SDR42E1: variants seen among roughly 807,000 people sequenced by gnomAD.
The protein encoded by SDR42E1 is short-chain dehydrogenase/reductase family 42E member 1.
Under a neutral mutation model 2.6 loss-of-function variants are expected in SDR42E1, and 5 were observed. That is an observed-to-expected ratio of 1.94 (90% CI 1.01 to 4.08). SDR42E1 has a LOEUF of 4.08. Ranked by LOEUF, SDR42E1 falls within the 30% of genes most tolerant of loss-of-function variation. The pLI is 0.00. For synonymous variants in SDR42E1, 231 were observed against 188.3 expected, an observed-to-expected ratio of 1.23 and a Z score of -1.86; for missense variants, 596 against 478.6, an observed-to-expected ratio of 1.25 and a Z score of -2.29.
intron 2 of SDR42E1, 181 bp from the exon 3 acceptor site, chr16:82,000,405 A>G (rs1304183339): frequency 2.6e-6 from 2 of 759,716 alleles, no homozygotes; most frequent in Non-Finnish European, 4.6e-6. Context: ...AAAAGTGAGA[A>G]TCCTCTCATC....
In SDR42E1 at chr16:81,999,884, C is replaced by G. The variant is rs769507054; in HGVS notation, c.409G>C (p.Asp137His). 1.8e-5 allele frequency: 29 copies of G among 1,614,038 alleles called. No individual in the cohort carries two copies. The South Asian group carries it at 3.0e-4, about 16-fold the overall frequency. The stretch of plus-strand genomic sequence containing the variant: ...AGAGGCAGGTAGGGCAGAGATTCAT[C>G]CCCATTTCTGATAACTTGACCTCCA... ...IFGGQVIRNG[D>H]ESLPYLPLHL... The change falls in exon 3 of 3, where the codon GAT (aspartate) becomes CAT (histidine). Residue 137 changes from aspartate (D) to histidine (H), a missense_variant. Transcript: ENST00000328945.
chr16:81,989,498 A>G lies in SDR42E1; in HGVS notation c.*9613T>C, dbSNP rs1265531974. ...ATCTAAGTTACACAGAAGCACTCTG[A>G]ATGTGTAGAAATAAAAGCTTGATGA... On this transcript the variant is annotated 3_prime_UTR_variant, in exon 3 of 3. Coordinates refer to ENST00000328945, the MANE Select transcript of SDR42E1 (RefSeq NM_145168.3). 1 of 152,218 alleles carries G rather than the reference A, an allele frequency of 6.6e-6. No homozygotes were observed. Among genetic ancestry groups the G allele is most frequent in the Non-Finnish European group, 1.5e-5 (1 of 68,048 alleles). The allele number at this position is 152,218 out of a possible 1,614,324, so 9.4% of individuals were successfully genotyped here. A position where few individuals can be genotyped will look rare whatever the true frequency, so the allele number is the denominator to read the frequency against.
chr16:82,000,709 G>C, intron 2 of SDR42E1, 82 bp downstream of exon 2: 1 of 1,016,330 alleles, frequency 9.8e-7, no homozygotes. Flanking sequence ...ACAAGTAAAA[G>C]TCTGCTCTGC....
chr16:81,990,628 C>T lies in SDR42E1; in HGVS notation c.*8483G>A, dbSNP rs1172012346. On this transcript the variant is annotated 3_prime_UTR_variant, in exon 3 of 3. Coordinates refer to ENST00000328945, the MANE Select transcript of SDR42E1 (RefSeq NM_145168.3). ...TGCCATTAAATCCATACAAGTTCCC[C>T]CAAGAGATAAGCAGGGAATGTTTTA... 1 of 152,146 alleles carries T rather than the reference C, an allele frequency of 6.6e-6. No homozygotes were observed. Among genetic ancestry groups the T allele is most frequent in the Non-Finnish European group, 1.5e-5 (1 of 68,032 alleles). 9.4% of individuals were successfully genotyped at this position (152,146 alleles called of 1,614,324 possible).
At chr16:82,003,407 T>C (rs1316924423) in intron 1 of SDR42E1, among the ~76,000 whole-genome samples, 2 of 152,240 alleles carry the variant, frequency 1.3e-5, no homozygotes, top group Admixed American at 1.3e-4. Flanking sequence ...TGAATGCTAT[T>C]TCCCAACACA....
rs1912503691 is a variant in SDR42E1, at chr16:81,994,776, A to G, written c.*4335T>C. 6.6e-6 allele frequency: 1 copy of G among 152,208 alleles called. No individual in the cohort carries two copies. The highest frequency in any genetic ancestry group is 2.4e-5 in the African/African-American group (1 of 41,434). 9.4% of individuals were successfully genotyped at this position (152,208 alleles called of 1,614,324 possible). A position where few individuals can be genotyped will look rare whatever the true frequency, so the allele number is the denominator to read the frequency against. Reference sequence around the variant, plus strand: ...CCCTTTGTAAGGCTGGGCGAACCGGAGATTTGGAAAGCAATACAAGGTAGA... The same window carrying G: ...CCCTTTGTAAGGCTGGGCGAACCGGGGATTTGGAAAGCAATACAAGGTAGA... On this transcript the variant is annotated 3_prime_UTR_variant, in exon 3 of 3. Transcript: ENST00000328945.
rs1912460871 is a variant in SDR42E1, at chr16:81,992,959, G to A, written c.*6152C>T. The A allele has an allele frequency of 6.6e-6, 1 of 152,114 alleles. No individual in the cohort carries two copies. 9.4% of individuals were successfully genotyped at this position (152,114 alleles called of 1,614,324 possible). Reference sequence around the variant, plus strand: ...GTTTGATTTTCAATAGCAAAAGGCTGTTTTACACTAAAAGATCAGGTAACC... The same window carrying A: ...GTTTGATTTTCAATAGCAAAAGGCTATTTTACACTAAAAGATCAGGTAACC... On this transcript the variant is annotated 3_prime_UTR_variant, in exon 3 of 3. Transcript: ENST00000328945.
rs761880261 is a variant in SDR42E1 at position 81,999,125 on chromosome 16, T to C, written c.1168A>G (p.Ile390Val). The C allele has an allele frequency of 9.3e-6, 15 of 1,613,540 alleles. No homozygotes were observed. The highest frequency in any genetic ancestry group is 1.3e-5 in the Non-Finnish European group (15 of 1,179,786). The part of the protein sequence containing the change: ...AVLMWLPSSV[I>V]LSL ...TGGCCCCTCCTTCACAGTGACAGAA[T>C]CACAGAAGAAGGCAGCCACATGAGA... Residue 390 changes from isoleucine to valine, a missense_variant, in exon 3 of 3, where the codon ATT (isoleucine) becomes GTT (valine). By Grantham distance (29) the Ile-to-Val change is conservative. Transcript: ENST00000328945.
rs780038713 is a variant in SDR42E1 at position 81,999,069 on chromosome 16, C to G, written c.*42G>C. ...TTTTAAAACCCATGTTTCTTGAGAA[C>G]CATCTCAGCCAACTGTGATCACCTT... On this transcript the variant is annotated 3_prime_UTR_variant, in exon 3 of 3. Coordinates refer to ENST00000328945, the MANE Select transcript of SDR42E1 (RefSeq NM_145168.3). 1.8e-5 allele frequency: 28 copies of G among 1,572,336 alleles called. 1 individual carries two copies. In the South Asian group the frequency reaches 3.3e-4, roughly 18 times the overall value.
At position 82,001,853 on chromosome 16, in the gene SDR42E1, G is replaced by A. The variant is rs540561531; in HGVS notation, c.-26-969C>T. 4.8e-5 allele frequency among the ~76,000 whole-genome samples: 7 copies of A among 146,346 alleles called. No individual in the cohort carries two copies. The South Asian group carries it at 1.6e-3, about 33-fold the overall frequency. On this transcript the variant is annotated intron_variant, in intron 1 of 2. Coordinates refer to ENST00000328945, the MANE Select transcript of SDR42E1 (RefSeq NM_145168.3). ...GGAGGCGTAGCTGGCAATGAGCGAA[G>A]ATCGCGCCACTGCACTCTAGCCTGG... is the stretch of plus-strand genomic sequence containing the variant.
Position 82,000,213 on chromosome 16 carries a change from G to A in SDR42E1, c.80C>T (p.Ala27Val), listed in dbSNP as rs1186537557. The A allele has an allele frequency of 2.1e-5, 34 of 1,606,660 alleles. No homozygotes were observed. The highest frequency in any genetic ancestry group is 2.9e-5 in the Non-Finnish European group (34 of 1,177,474). ...SGYFGFRLGCALNQNGVHVIL... is the reference protein window; with the variant it reads ...SGYFGFRLGCVLNQNGVHVIL... ...CACATGGACTCCATTTTGGTTCAGG[G>A]CACAGCCCAGGCTGAAATAAGAAAC... The change falls in exon 3 of 3, where the codon GCC becomes GTC. Residue 27 changes from alanine (A) to valine (V), a missense_variant. Transcript: ENST00000328945.
At chr16:82,003,895 G>A (rs181880401) in intron 1 of SDR42E1, among the ~76,000 whole-genome samples, 13 of 152,310 alleles carry the variant, frequency 8.5e-5, no homozygotes, top group Admixed American at 1.3e-4. Flanking sequence ...GGATTATTCT[G>A]AACACCCTAA....
chr16:82,001,959 TATACACAC>T (rs1006043257), intron 1 of SDR42E1, among the ~76,000 whole-genome samples: 10 of 131,130 alleles, frequency 7.6e-5, no homozygotes, highest in African/African-American at 3.9e-4. Flanking sequence ...ACTGGGTGCG[TATACACAC>T]ACACACACAC....
In SDR42E1 at chr16:81,999,535, AAGT is replaced by A; in HGVS notation, c.755_757del (p.Tyr252del). On this transcript the variant is annotated inframe_deletion, in exon 3 of 3. Coordinates refer to ENST00000328945, the MANE Select transcript of SDR42E1 (RefSeq NM_145168.3). ...GTTCACGGGTCTGCCATCTGAGATG[AAGT>A]AGGGCTGCCCAGAGGCAATATGGCC... 1 of 1,614,182 alleles carries A rather than the reference AAGT, an allele frequency of 6.2e-7. No homozygotes were observed. The highest frequency in any genetic ancestry group is 8.5e-7 in the Non-Finnish European group (1 of 1,180,016).
intron 1 of SDR42E1, 100 bp from the exon 2 acceptor site, chr16:82,000,984 G>A (rs1005082341): frequency 2.1e-5 from 15 of 701,508 alleles, no homozygotes; most frequent in Non-Finnish European, 3.3e-5. Context: ...CGCTGTAGTA[G>A]AATGAAAAGG....
rs191270408 is a variant in SDR42E1 at position 81,989,528 on chromosome 16, G to A, written c.*9583C>T. On this transcript the variant is annotated 3_prime_UTR_variant, in exon 3 of 3. Coordinates refer to ENST00000328945, the MANE Select transcript of SDR42E1 (RefSeq NM_145168.3). Reference sequence around the variant, plus strand: ...GTAGAAATAAAAGCTTGATGATTTTGGGTTGGCTTTCTAGCCCCACAATTT... The same window carrying A: ...GTAGAAATAAAAGCTTGATGATTTTAGGTTGGCTTTCTAGCCCCACAATTT... 149 of 152,232 alleles carry A rather than the reference G, an allele frequency of 9.8e-4. No homozygotes were observed. Among genetic ancestry groups the A allele is most frequent in the African/African-American group, 3.5e-3 (144 of 41,536 alleles). 9.4% of individuals were successfully genotyped at this position (152,232 alleles called of 1,614,324 possible). A position where few individuals can be genotyped will look rare whatever the true frequency, so the allele number is the denominator to read the frequency against.
intron 1 of SDR42E1, among the ~76,000 whole-genome samples, chr16:82,007,427 C>G (rs956245508): frequency 2.0e-5 from 3 of 152,156 alleles, no homozygotes; most frequent in Admixed American, 1.3e-4. Context: ...ATTTCACAAC[C>G]CTCTCAGATG....
rs188668118 is a variant in SDR42E1, at chr16:81,999,942, C to A, written c.351G>T (p.Arg117Ser). The A allele has an allele frequency of 6.2e-7, 1 of 1,614,194 alleles. No homozygotes were observed. Among genetic ancestry groups the A allele is most frequent in the African/African-American group, 1.3e-5 (1 of 75,042 alleles). The change falls in exon 3 of 3, where the codon AGG becomes AGT. Residue 117 changes from arginine (R) to serine (S), a missense_variant. Arg to Ser is a moderately radical substitution (Grantham distance 110). Coordinates refer to ENST00000328945, the MANE Select transcript of SDR42E1 (RefSeq NM_145168.3). ...LQVCQRRRVP[R>S]LVYTSTFNVI... ...CATTGAAAGTGCTGGTGTAAACTAA[C>A]CTGGGCACCCTTCTCCTTTGGCAAA...
Position 82,000,569 on chromosome 16 carries a change from T to C in SDR42E1, c.68+222A>G, listed in dbSNP as rs554914938. ...TGATTTAAAATTGTTTTTGGTGATGTGAATAGTCACCCCTCCCAATTTAAT... is the reference window on the plus strand; with the variant it reads ...TGATTTAAAATTGTTTTTGGTGATGCGAATAGTCACCCCTCCCAATTTAAT... On this transcript the variant is annotated intron_variant, in intron 2 of 2. Coordinates refer to ENST00000328945, the MANE Select transcript of SDR42E1 (RefSeq NM_145168.3). 2.6e-5 allele frequency among the ~76,000 whole-genome samples: 4 copies of C among 152,340 alleles called. No homozygotes were observed. The East Asian group carries it at 7.7e-4, about 29-fold the overall frequency.
Sources: allele counts gnomAD v4.1 joint callset (sites outside exome capture counted in the v4.1 genomes callset), GRCh38; gene constraint gnomAD v4.1.1; transcripts MANE v1.5; gene names NCBI Gene and HGNC (gene_info 2026-07-23, HGNC 2026-07-21).